RANBP2: variants seen among roughly 807,000 people sequenced by gnomAD.
The protein encoded by RANBP2 is RAN binding protein 2.
Under a neutral mutation model 303.6 loss-of-function variants are expected in RANBP2, and 57 were observed. That is an observed-to-expected ratio of 0.19 (90% CI 0.15 to 0.23). The LOEUF is 0.23. RANBP2 is among the 10% of genes least tolerant of loss of function. RANBP2 has a pLI of 1.00. For synonymous variants in RANBP2, 1,167 were observed against 1,301.5 expected, an observed-to-expected ratio of 0.90 and a Z score of 2.23; for missense variants, 3,138 against 3,780.8, an observed-to-expected ratio of 0.83 and a Z score of 4.46.
chr2:109,043,468 G>A, the RANBP2 span, among the ~76,000 whole-genome samples: 413 of 151,862 alleles, frequency 2.7e-3, 1 homozygote, highest in African/African-American at 9.4e-3. Flanking sequence ...TCAGCCTCCC[G>A]AGTAGCTGGG....
chr2:108,981,892 G>C, the RANBP2 span, among the ~76,000 whole-genome samples: 1 of 152,186 alleles, frequency 6.6e-6, no homozygotes. Flanking sequence ...AGACGGAAAC[G>C]CTAAGGAAGC....
the RANBP2 span, among the ~76,000 whole-genome samples, chr2:109,198,812 C>T: frequency 6.6e-6 from 1 of 152,192 alleles, no homozygotes; most frequent in Non-Finnish European, 1.5e-5. Context: ...ACCTAGGCTA[C>T]GTGGCACAGC....
the RANBP2 span, among the ~76,000 whole-genome samples, chr2:108,862,809 G>A: frequency 2.0e-5 from 3 of 151,034 alleles, no homozygotes; most frequent in African/African-American, 4.9e-5. Context: ...TTTTTTTTAC[G>A]TGGTTAGATA....
the RANBP2 span, among the ~76,000 whole-genome samples, chr2:109,235,978 T>G: frequency 6.6e-6 from 1 of 152,016 alleles, no homozygotes; most frequent in African/African-American, 2.4e-5. Flanking sequence ...TCACTGCCTT[T>G]ACTTTAAGAG....
At chr2:109,056,062 G>A in the RANBP2 span, among the ~76,000 whole-genome samples, 6 of 151,926 alleles carry the variant, frequency 3.9e-5, no homozygotes, top group Non-Finnish European at 7.4e-5. Context: ...CCAGCCAACA[G>A]CTCTAGTATT....
chr2:109,251,651 T>TA, the RANBP2 span: 9 of 1,373,910 alleles, frequency 6.6e-6, no homozygotes, highest in Non-Finnish European at 9.3e-6. Flanking sequence ...CGAGTATAAA[T>TA]AATGGCTGTT....
At chr2:109,438,955 A>G in the RANBP2 span, among the ~76,000 whole-genome samples, 33 of 152,252 alleles carry the variant, frequency 2.2e-4, no homozygotes, top group African/African-American at 7.2e-4. Flanking sequence ...AGCACTAGAA[A>G]GGGTGAGTGG....
chr2:109,513,143 G>A, the RANBP2 span, among the ~76,000 whole-genome samples: 7 of 152,176 alleles, frequency 4.6e-5, no homozygotes, highest in East Asian at 5.8e-4. Context: ...ACAATGCCCC[G>A]ACCTTCCACT....
At chr2:109,637,268 T>C in the RANBP2 span, among the ~76,000 whole-genome samples, 9 of 152,220 alleles carry the variant, frequency 5.9e-5, no homozygotes, top group African/African-American at 1.9e-4. Flanking sequence ...GGGCGGTTTT[T>C]CTCTCATCTC....
chr2:108,904,035 AT>A, the RANBP2 span, among the ~76,000 whole-genome samples: 1 of 152,176 alleles, frequency 6.6e-6, no homozygotes, highest in African/African-American at 2.4e-5. Flanking sequence ...AAACTATAGA[AT>A]GGAGAAAACA....
At chr2:109,414,599 C>T in the RANBP2 span, among the ~76,000 whole-genome samples, 1 of 152,144 alleles carries the variant, frequency 6.6e-6, no homozygotes, top group Non-Finnish European at 1.5e-5. Flanking sequence ...GACTGCATTG[C>T]CTCATAGATC....
chr2:109,034,047 G>A, the RANBP2 span, among the ~76,000 whole-genome samples: 2 of 150,386 alleles, frequency 1.3e-5, no homozygotes, highest in Non-Finnish European at 2.9e-5. Context: ...GGATCACGAG[G>A]ATCACAAGGT....
chr2:109,159,351 G>C, the RANBP2 span, among the ~76,000 whole-genome samples: 3 of 152,342 alleles, frequency 2.0e-5, no homozygotes, highest in African/African-American at 7.2e-5. Context: ...GCCCTGCCCA[G>C]CCCCAGGGCG....
the RANBP2 span, among the ~76,000 whole-genome samples, chr2:109,638,251 GAGTT>G: frequency 2.6e-5 from 4 of 152,226 alleles, no homozygotes; most frequent in Non-Finnish European, 5.9e-5. Flanking sequence ...AAAGAGTTAA[GAGTT>G]AGGCTTTTCA....
chr2:108,811,333 C>T, the RANBP2 span, among the ~76,000 whole-genome samples: 1 of 141,798 alleles, frequency 7.1e-6, no homozygotes, highest in East Asian at 2.2e-4. Flanking sequence ...TAGCCTTAAC[C>T]TCCAGGGCTT....
chr2:109,006,633 G>A, the RANBP2 span, among the ~76,000 whole-genome samples: 1 of 152,208 alleles, frequency 6.6e-6, no homozygotes, highest in Non-Finnish European at 1.5e-5. Flanking sequence ...TGGCCTAGCT[G>A]TGTGTACCCT....
chr2:109,674,771 T>A, the RANBP2 span, among the ~76,000 whole-genome samples: 1 of 152,148 alleles, frequency 6.6e-6, no homozygotes, highest in African/African-American at 2.4e-5. Flanking sequence ...TCTTCCCTCC[T>A]CTCCTCAGCC....
At chr2:109,205,669 C>T in the RANBP2 span, among the ~76,000 whole-genome samples, 2 of 152,174 alleles carry the variant, frequency 1.3e-5, no homozygotes, top group Admixed American at 1.3e-4. Context: ...GTGTCAGGGT[C>T]TGCACCGTAT....
chr2:108,969,268 A>G, the RANBP2 span, among the ~76,000 whole-genome samples: 2 of 151,006 alleles, frequency 1.3e-5, no homozygotes, highest in Admixed American at 6.6e-5. Flanking sequence ...CACCCCACCT[A>G]TTTTTAGATA....
Sources: allele counts gnomAD v4.1 joint callset (sites outside exome capture counted in the v4.1 genomes callset), GRCh38; gene constraint gnomAD v4.1.1; transcripts MANE v1.5; gene names NCBI Gene and HGNC (gene_info 2026-07-23, HGNC 2026-07-21).